The following PDE4B variants were observed in gnomAD, a reference collection of about 807,000 sequenced individuals.
PDE4B encodes the protein 3',5'-cyclic-AMP phosphodiesterase 4B.
Under a neutral mutation model 82.2 loss-of-function variants are expected in PDE4B, and 20 were observed. That is an observed-to-expected ratio of 0.24 (90% CI 0.17 to 0.35). The LOEUF is 0.35. Among genes scored for constraint, PDE4B ranks in the 10% least tolerant of loss-of-function variants. The pLI is 1.00. For missense variants in PDE4B, 655 were observed against 907.2 expected (o/e 0.72, Z 3.57); for synonymous variants, 320 against 318.9 (o/e 1.00, Z -0.04).
chr1:66,369,786 T>C (rs947203801), intron 16 of PDE4B, among the ~76,000 whole-genome samples: 1 of 152,188 alleles, frequency 6.6e-6, no homozygotes, highest in Admixed American at 6.5e-5. Context: ...CTTGTAATAT[T>C]AATATACAGT....
rs546356452 is a variant in PDE4B, at chr1:66,371,276, T to TTATATA, written c.1846-1037_1846-1036insTATATA. 3.8e-3 allele frequency among the ~76,000 whole-genome samples: 577 copies of TTATATA among 151,884 alleles called. 5 individuals are homozygous for TTATATA. Among genetic ancestry groups the TTATATA allele is most frequent in the African/African-American group, 0.013 (554 of 41,448 alleles). ...GGAAAGAGACCTATATAATGTCCCA[T>TTATATA]GGGTGGGTGCCCTTTGACCATCTAC... On this transcript the variant is annotated intron_variant, in intron 16 of 16. Transcript: ENST00000341517.
intron 3 of PDE4B, among the ~76,000 whole-genome samples, chr1:65,979,095 G>T (rs1442389820): frequency 1.3e-5 from 2 of 152,038 alleles, no homozygotes; most frequent in Non-Finnish European, 2.9e-5. Context: ...AGAACATCTT[G>T]ATTACTTTAC....
intron 3 of PDE4B, among the ~76,000 whole-genome samples, chr1:66,107,718 G>T (rs1412934885): frequency 2.0e-5 from 3 of 151,900 alleles, no homozygotes; most frequent in African/African-American, 7.2e-5. Context: ...CCTTTCATGA[G>T]ATAGATAAAG....
intron 3 of PDE4B, among the ~76,000 whole-genome samples, chr1:66,102,668 T>C (rs1352017842): frequency 6.6e-6 from 1 of 152,088 alleles, no homozygotes; most frequent in Non-Finnish European, 1.5e-5. Flanking sequence ...GAAACAAATA[T>C]CTTTTGTATT....
At chr1:66,315,670 G>C (rs531562249) in intron 7 of PDE4B, among the ~76,000 whole-genome samples, 65 of 152,154 alleles carry the variant, frequency 4.3e-4, no homozygotes, top group Non-Finnish European at 8.2e-4. Flanking sequence ...ATGTTGGTCA[G>C]GCTGGTCTCG....
chr1:65,983,317 T>G (rs1044642880), intron 3 of PDE4B, among the ~76,000 whole-genome samples: 1 of 152,128 alleles, frequency 6.6e-6, no homozygotes, highest in Non-Finnish European at 1.5e-5. Flanking sequence ...GCTGGAACAA[T>G]TAAGACTTTT....
intron 3 of PDE4B, among the ~76,000 whole-genome samples, chr1:66,058,728 C>A (rs917730496): frequency 6.6e-6 from 1 of 152,158 alleles, no homozygotes; most frequent in Non-Finnish European, 1.5e-5. Flanking sequence ...GGGAACCAAG[C>A]CTAGGCTGCA....
At chr1:66,309,737 C>T (rs1034653662) in intron 7 of PDE4B, among the ~76,000 whole-genome samples, 1 of 152,182 alleles carries the variant, frequency 6.6e-6, no homozygotes, top group Non-Finnish European at 1.5e-5. Flanking sequence ...GAGATCATAG[C>T]ATTTGTTAGA....
chr1:65,883,308 TG>T (rs1404442025), intron 1 of PDE4B, among the ~76,000 whole-genome samples: 1 of 152,196 alleles, frequency 6.6e-6, no homozygotes, highest in African/African-American at 2.4e-5. Flanking sequence ...TTCTTCCATT[TG>T]TTTGTATCCT....
rs1168144080 is a variant in PDE4B, at chr1:66,162,305, CTTTTTT to C, written c.282-85132_282-85127del. 2.0e-4 allele frequency among the ~76,000 whole-genome samples: 8 copies of C among 40,300 alleles called. No individual in the cohort carries two copies. In the East Asian group the frequency reaches 2.7e-3, roughly 13 times the overall value. 26.4% of individuals were successfully genotyped at this position (40,300 alleles called of 152,430 possible). A position where few individuals can be genotyped will look rare whatever the true frequency, so the allele number is the denominator to read the frequency against. On this transcript the variant is annotated intron_variant, in intron 3 of 16. Transcript: ENST00000341517. ...TTGGTGGTAAGGTTCATGGACTTCT[CTTTTTT>C]TTTTTTTTTTTTTTTTTTTTTTGCT...
intron 1 of PDE4B, among the ~76,000 whole-genome samples, chr1:65,818,685 C>CACATATATATAT (rs141035147): frequency 8.4e-4 from 121 of 143,772 alleles, no homozygotes; most frequent in South Asian, 8.4e-3. Context: ...CACACACACA[C>CACATATATATAT]ATATATATAT....
intron 3 of PDE4B, among the ~76,000 whole-genome samples, chr1:65,961,369 C>G (rs907726396): frequency 6.6e-6 from 1 of 152,050 alleles, no homozygotes; most frequent in African/African-American, 2.4e-5. Flanking sequence ...TGCAAAATGG[C>G]AGGAAAGCTA....
intron 3 of PDE4B, among the ~76,000 whole-genome samples, chr1:66,081,120 T>A (rs1441984868): frequency 6.6e-6 from 1 of 152,152 alleles, no homozygotes; most frequent in African/African-American, 2.4e-5. Context: ...TACAAAGCTT[T>A]CTCCATGGTC....
intron 3 of PDE4B, among the ~76,000 whole-genome samples, chr1:65,984,361 A>G (rs1038968124): frequency 6.6e-6 from 1 of 152,174 alleles, no homozygotes; most frequent in Admixed American, 6.5e-5. Flanking sequence ...TAGCAGAGAA[A>G]GTTTTCTGAG....
intron 1 of PDE4B, among the ~76,000 whole-genome samples, chr1:65,893,667 G>T (rs1646876824): frequency 1.8e-5 from 2 of 108,534 alleles, no homozygotes; most frequent in Admixed American, 2.1e-4. Flanking sequence ...CAAAGGAAAA[G>T]TAATCATTAT....
At chr1:65,840,208 T>G (rs186379181) in intron 1 of PDE4B, among the ~76,000 whole-genome samples, 11 of 152,100 alleles carry the variant, frequency 7.2e-5, no homozygotes, top group Admixed American at 2.6e-4. Context: ...TATAAAATGG[T>G]GAGAAGTATG....
At chr1:65,913,216 TC>T in intron 1 of PDE4B, 28 bp from the exon 2 acceptor site, 2 of 989,406 alleles carry the variant, frequency 2.0e-6, no homozygotes, top group Non-Finnish European at 3.2e-6. Flanking sequence ...ACAGAGCTGT[TC>T]TTTTTTGTGT....
intron 3 of PDE4B, among the ~76,000 whole-genome samples, chr1:65,945,566 A>G (rs1036762074): frequency 2.0e-5 from 3 of 151,994 alleles, no homozygotes; most frequent in Non-Finnish European, 2.9e-5. Context: ...GATGGTCTCA[A>G]CTTTGCTTTC....
chr1:66,310,548 T>C (rs1394804545), intron 7 of PDE4B, among the ~76,000 whole-genome samples: 2 of 152,186 alleles, frequency 1.3e-5, no homozygotes, highest in Admixed American at 6.5e-5. Context: ...CCTCTTCTCA[T>C]ATTCAATTTT....
Sources: allele counts gnomAD v4.1 joint callset (sites outside exome capture counted in the v4.1 genomes callset), GRCh38; gene constraint gnomAD v4.1.1; transcripts MANE v1.5; gene names NCBI Gene and HGNC (gene_info 2026-07-23, HGNC 2026-07-21).